The following ARHGEF6 variants were observed in gnomAD, a reference collection of about 807,000 sequenced individuals.
The protein encoded by ARHGEF6 is Rac/Cdc42 guanine nucleotide exchange factor 6, also known as rho guanine nucleotide exchange factor 6.
A neutral mutation model predicts 70.3 loss-of-function variants in ARHGEF6; 9 were observed. That is an observed-to-expected ratio of 0.13 (90% CI 0.08 to 0.22). The LOEUF (loss-of-function observed/expected upper bound fraction) is 0.22. ARHGEF6 is among the 10% of genes least tolerant of loss of function. The probability of loss-of-function intolerance (pLI) is 1.00; values close to 1 mark genes in which losing one functional copy is unlikely to be tolerated. For missense variants in ARHGEF6, 470 were observed against 563.0 expected (o/e 0.83, Z 1.67); for synonymous variants, 201 against 207.8 (o/e 0.97, Z 0.28).
chrX:136,746,682 T>C (rs2077098174), intron 3 of ARHGEF6, among the ~76,000 whole-genome samples: 1 of 111,885 alleles, frequency 8.9e-6, no homozygotes, highest in African/African-American at 3.2e-5. Flanking sequence ...TGCTTGGGCA[T>C]AAGGGCTCTG....
chrX:136,698,223 G>T (rs892291022), intron 9 of ARHGEF6, among the ~76,000 whole-genome samples: 1 of 110,761 alleles, frequency 9.0e-6, no homozygotes, highest in Admixed American at 9.6e-5. Flanking sequence ...AATATAAAAA[G>T]GAGAAAAAAG....
chrX:136,734,247 C>T (rs375853592), intron 5 of ARHGEF6, among the ~76,000 whole-genome samples: 32 of 111,585 alleles, frequency 2.9e-4, no homozygotes, highest in African/African-American at 8.5e-4. Context: ...GTTCAGGATC[C>T]GCCTGGATCC....
intron 7 of ARHGEF6, among the ~76,000 whole-genome samples, chrX:136,713,062 A>T (rs1279169496): frequency 3.6e-5 from 4 of 110,197 alleles, no homozygotes; most frequent in Non-Finnish European, 7.6e-5. Context: ...AGATCTGCTC[A>T]TTCCTTTCAC....
chrX:136,673,524 G>A (rs376536395), intron 19 of ARHGEF6, among the ~76,000 whole-genome samples: 3 of 111,769 alleles, frequency 2.7e-5, no homozygotes, highest in African/African-American at 9.8e-5. Flanking sequence ...AGAATATCTG[G>A]CTGCACTTCC....
chrX:136,736,621 G>GTA (rs2076988131), intron 5 of ARHGEF6, among the ~76,000 whole-genome samples: 1 of 100,912 alleles, frequency 9.9e-6, no homozygotes, highest in Non-Finnish European at 2.1e-5. Context: ...AAAAAGAGGT[G>GTA]TGTGTGTGTG....
At chrX:136,718,681 A>G (rs2076763476) in intron 6 of ARHGEF6, among the ~76,000 whole-genome samples, 1 of 111,532 alleles carries the variant, frequency 9.0e-6, no homozygotes, top group South Asian at 3.7e-4. Flanking sequence ...TTGAATCTCT[A>G]AGCAGGGCCA....
chrX:136,701,218 G>A (rs959634844), intron 9 of ARHGEF6, among the ~76,000 whole-genome samples: 8 of 111,535 alleles, frequency 7.2e-5, no homozygotes, highest in Admixed American at 6.6e-4. Context: ...ACCCTATTAG[G>A]CCAAGAATTT....
intron 9 of ARHGEF6, among the ~76,000 whole-genome samples, chrX:136,697,350 G>A (rs1298540262): frequency 2.7e-5 from 3 of 112,068 alleles, no homozygotes; most frequent in Middle Eastern, 4.6e-3. Flanking sequence ...TAGGTCACCA[G>A]AGAGAGAACC....
Position 136,690,737 on chromosome X carries a change from T to C in ARHGEF6, c.1058A>G (p.Glu353Gly). 8.3e-7 allele frequency: 1 copy of C among 1,210,549 alleles called. No homozygotes were observed. The highest frequency in any genetic ancestry group is 1.1e-6 in the Non-Finnish European group (1 of 894,305). ...TGCACCTTGATTTTCCATGAATTGT[T>C]CCAACTCATCACTAGCAAAAGAACA... Reference protein sequence around the residue: ...NVLTQHSDELEQFMENQGASS... With the variant: ...NVLTQHSDELGQFMENQGASS... Residue 353 changes from glutamate to glycine, a missense_variant, in exon 10 of 22, where the codon GAA becomes GGA. By Grantham distance (98) the Glu-to-Gly change is moderately conservative. Around this residue, in one of 3 missense-constraint regions of ARHGEF6, gnomAD observed 379 missense variants for 449.3 expected, o/e 0.84. Transcript: ENST00000250617.
intron 11 of ARHGEF6, 66 bp downstream of exon 11, chrX:136,687,866 C>A: frequency 7.3e-6 from 7 of 953,898 alleles, no homozygotes; most frequent in Non-Finnish European, 1.1e-5. Flanking sequence ...AAATGTTACA[C>A]ACAAATCGCT....
At chrX:136,681,608 C>T (rs1281478848) in intron 14 of ARHGEF6, among the ~76,000 whole-genome samples, 1 of 112,159 alleles carries the variant, frequency 8.9e-6, no homozygotes, top group South Asian at 3.7e-4. Flanking sequence ...AAGAAAATTG[C>T]GTTTACATCA....
chrX:136,690,887 T>C (rs2148594309), intron 9 of ARHGEF6, 139 bp from the exon 10 acceptor site: 1 of 702,012 alleles, frequency 1.4e-6, no homozygotes, highest in Non-Finnish European at 2.1e-6. Flanking sequence ...GCTGTTCAAT[T>C]TGTTTTGGCT....
intron 2 of ARHGEF6, among the ~76,000 whole-genome samples, chrX:136,751,905 C>T (rs779929880): frequency 1.8e-5 from 2 of 111,299 alleles, no homozygotes; most frequent in South Asian, 7.7e-4. Flanking sequence ...CCCAGCAAGC[C>T]CATGATGTCA....
At chrX:136,712,601 A>T (rs769129435) in intron 7 of ARHGEF6, among the ~76,000 whole-genome samples, 2 of 112,132 alleles carry the variant, frequency 1.8e-5, no homozygotes, top group East Asian at 5.6e-4. Flanking sequence ...AAAACAAATA[A>T]ATGCAGTTCA....
At chrX:136,682,889 T>G (rs2076346841) in intron 12 of ARHGEF6, 45 bp from the exon 13 acceptor site, 1 of 1,026,981 alleles carries the variant, frequency 9.7e-7, no homozygotes, top group Admixed American at 2.2e-5. Flanking sequence ...AATTGGACAC[T>G]TTATCTGTTG....
At chrX:136,767,673 C>T in intron 2 of ARHGEF6, 1 of 754,446 alleles carries the variant, frequency 1.3e-6, no homozygotes. Context: ...GCCCGCGAAG[C>T]TTCTCCAGAC....
chrX:136,726,464 T>A (rs1259865989), intron 6 of ARHGEF6, among the ~76,000 whole-genome samples: 1 of 111,437 alleles, frequency 9.0e-6, no homozygotes, highest in East Asian at 2.8e-4. Context: ...GTAAGGTAGT[T>A]TAGGCTAGTA....
chrX:136,773,315 T>C (rs1157803428), intron 2 of ARHGEF6, among the ~76,000 whole-genome samples: 1 of 112,138 alleles, frequency 8.9e-6, no homozygotes, highest in African/African-American at 3.2e-5. Context: ...CTATTAGGTA[T>C]GTCCTATGCC....
intron 9 of ARHGEF6, among the ~76,000 whole-genome samples, chrX:136,699,849 T>C (rs1252142882): frequency 9.0e-6 from 1 of 111,171 alleles, no homozygotes; most frequent in Non-Finnish European, 1.9e-5. Context: ...TCTCATGTTT[T>C]GGGATAGGAG....
Sources: gnomAD v4.1 joint callset for allele counts (sites outside exome capture counted in the v4.1 genomes callset) on GRCh38, gnomAD v4.1.1 for gene constraint, gnomAD v4.1.1 regional missense constraint, MANE v1.5 for transcripts, NCBI Gene and HGNC (gene_info 2026-07-23, HGNC 2026-07-21) for gene names.